Variants in LSAMP observed in about 807,000 individuals in gnomAD.
LSAMP encodes limbic system-associated membrane protein.
A neutral mutation model predicts 38.6 loss-of-function variants in LSAMP; 7 were observed. The ratio of observed to expected loss-of-function variants is 0.18; its 90% confidence interval spans 0.10 to 0.34. The LOEUF (loss-of-function observed/expected upper bound fraction) is 0.34, where lower values mean the gene tolerates loss of function less well. Among genes scored for constraint, LSAMP ranks in the 10% least tolerant of loss-of-function variants. LSAMP has a pLI of 1.00. For missense variants in LSAMP, 313 were observed against 420.0 expected (o/e 0.75, Z 2.23); for synonymous variants, 154 against 166.8 (o/e 0.92, Z 0.59).
intron 6 of LSAMP, among the ~76,000 whole-genome samples, chr3:115,825,816 G>A (rs1550305): frequency 0.16 from 24,047 of 152,128 alleles, 2,580 homozygotes; most frequent in African/African-American, 0.31. Flanking sequence ...TGCTAGAAAT[G>A]TAGAAATCTT....
chr3:115,898,598 C>CATATATATATAT (rs10527269), intron 3 of LSAMP, among the ~76,000 whole-genome samples: 4 of 142,004 alleles, frequency 2.8e-5, no homozygotes, highest in Non-Finnish European at 4.6e-5. Context: ...CATGAAGATG[C>CATATATATATAT]ATATATATAT....
chr3:116,298,925 G>A (rs2047371135), intron 1 of LSAMP, among the ~76,000 whole-genome samples: 1 of 152,212 alleles, frequency 6.6e-6, no homozygotes, highest in Non-Finnish European at 1.5e-5. Context: ...CCTTACATGT[G>A]GGTATTTGCC....
At chr3:116,391,286 C>G (rs1208682107) in intron 1 of LSAMP, among the ~76,000 whole-genome samples, 1 of 151,804 alleles carries the variant, frequency 6.6e-6, no homozygotes, top group African/African-American at 2.4e-5. Flanking sequence ...GGTGGGACCC[C>G]TGTGCCCCGC....
At chr3:115,919,570 GTTTC>G (rs563514185) in intron 3 of LSAMP, among the ~76,000 whole-genome samples, 143 of 152,156 alleles carry the variant, frequency 9.4e-4, no homozygotes, top group Non-Finnish European at 6.8e-4. Context: ...TCTCTTGCTT[GTTTC>G]TTTCTTTTCT....
chr3:116,025,164 C>G (rs1034468721), intron 2 of LSAMP, among the ~76,000 whole-genome samples: 3 of 152,010 alleles, frequency 2.0e-5, no homozygotes, highest in African/African-American at 7.2e-5. Flanking sequence ...TCTTTTCTTT[C>G]TAGACAATCC....
At chr3:116,196,835 C>T (rs553864493) in intron 1 of LSAMP, among the ~76,000 whole-genome samples, 5 of 152,266 alleles carry the variant, frequency 3.3e-5, no homozygotes, top group African/African-American at 9.6e-5. Context: ...TCCCACCAGG[C>T]ACTCCTTCAT....
chr3:116,018,704 T>C (rs1940552539), intron 3 of LSAMP, among the ~76,000 whole-genome samples: 1 of 152,182 alleles, frequency 6.6e-6, no homozygotes, highest in Admixed American at 6.5e-5. Context: ...AGTATGTATG[T>C]ACCTAATCTT....
intron 2 of LSAMP, among the ~76,000 whole-genome samples, chr3:116,069,045 A>G (rs1378741058): frequency 2.6e-5 from 4 of 152,214 alleles, no homozygotes; most frequent in East Asian, 3.9e-4. Flanking sequence ...TAAAACTTCA[A>G]TAGGAACTCA....
rs563671648 is a variant in LSAMP at position 115,956,265 on chromosome 3, A to C, written c.514+63250T>G. ...CTGGGACCTGAACCTGCATATACAG[A>C]GTTCTGCAAGACAGATCTGATCTCG... is the stretch of plus-strand genomic sequence containing the variant. On this transcript the variant is annotated intron_variant, in intron 3 of 6. Transcript: ENST00000490035. Among the ~76,000 whole-genome samples the C allele has an allele frequency of 3.3e-5, 5 of 150,924 alleles. No individual in the cohort carries two copies. The East Asian group carries it at 9.7e-4, about 29-fold the overall frequency.
chr3:116,011,073 G>A (rs887924035), intron 3 of LSAMP, among the ~76,000 whole-genome samples: 10 of 151,402 alleles, frequency 6.6e-5, no homozygotes, highest in South Asian at 2.1e-4. Flanking sequence ...GCATGATCTC[G>A]GCTCACTGCA....
At chr3:115,959,191 T>A (rs1938548849) in intron 3 of LSAMP, among the ~76,000 whole-genome samples, 1 of 152,206 alleles carries the variant, frequency 6.6e-6, no homozygotes, top group African/African-American at 2.4e-5. Flanking sequence ...CTTCCTTCAG[T>A]ACATTGGGCA....
At chr3:116,149,309 A>C (rs1256606360) in intron 1 of LSAMP, among the ~76,000 whole-genome samples, 4 of 151,986 alleles carry the variant, frequency 2.6e-5, no homozygotes, top group Admixed American at 6.6e-5. Context: ...GAGGGTGTGC[A>C]CTGCCTTTGC....
At chr3:116,175,034 A>G (rs1468237255) in intron 1 of LSAMP, among the ~76,000 whole-genome samples, 1 of 152,146 alleles carries the variant, frequency 6.6e-6, no homozygotes, top group Non-Finnish European at 1.5e-5. Context: ...CTAAACTGTA[A>G]GAATTCTTCT....
chr3:116,340,413 C>A (rs1316344385), intron 1 of LSAMP, among the ~76,000 whole-genome samples: 3 of 125,390 alleles, frequency 2.4e-5, no homozygotes, highest in African/African-American at 8.9e-5. Context: ...AGTTATTACC[C>A]CTTATAATTG....
At chr3:116,204,715 T>C (rs1214857347) in intron 1 of LSAMP, among the ~76,000 whole-genome samples, 2 of 151,746 alleles carry the variant, frequency 1.3e-5, no homozygotes, top group Admixed American at 6.6e-5. Flanking sequence ...TAGTTGTAGA[T>C]ATGCAGCGTT....
chr3:116,063,442 G>C (rs1193067280), intron 2 of LSAMP, among the ~76,000 whole-genome samples: 1 of 152,072 alleles, frequency 6.6e-6, no homozygotes, highest in African/African-American at 2.4e-5. Flanking sequence ...TCCAAGAATA[G>C]GCTTATCAGT....
At chr3:116,427,165 C>A (rs1304527045) in intron 1 of LSAMP, among the ~76,000 whole-genome samples, 1 of 132,022 alleles carries the variant, frequency 7.6e-6, no homozygotes, top group Non-Finnish European at 1.5e-5. Context: ...CCAGGCCGGA[C>A]TGCGGACTGC....
intron 1 of LSAMP, among the ~76,000 whole-genome samples, chr3:116,201,261 G>A (rs2045983182): frequency 6.6e-6 from 1 of 152,080 alleles, no homozygotes; most frequent in Non-Finnish European, 1.5e-5. Context: ...TTCAGGCCCT[G>A]GTAAAGCTCA....
chr3:116,205,061 A>C (rs1240183269), intron 1 of LSAMP, among the ~76,000 whole-genome samples: 38 of 142,016 alleles, frequency 2.7e-4, no homozygotes, highest in Non-Finnish European at 5.6e-4. Flanking sequence ...ATTTGTTTGT[A>C]TCCTCTTTTA....
Sources: gnomAD v4.1 joint callset for allele counts (sites outside exome capture counted in the v4.1 genomes callset) on GRCh38, gnomAD v4.1.1 for gene constraint, MANE v1.5 for transcripts, NCBI Gene and HGNC (gene_info 2026-07-23, HGNC 2026-07-21) for gene names.